MARK1: variants seen among roughly 807,000 people sequenced by gnomAD.
MARK1 encodes microtubule affinity regulating kinase 1, also known as serine/threonine-protein kinase MARK1.
A neutral mutation model predicts 96.3 loss-of-function variants in MARK1; 40 were observed. The observed-to-expected ratio is 0.42, with a 90% CI of 0.32 to 0.54. The LOEUF is 0.54. Ranked by LOEUF, MARK1 falls within the 20% of genes least tolerant of loss-of-function variation. MARK1 has a pLI of 0.16. For missense variants in MARK1, 719 were observed against 984.6 expected, an observed-to-expected ratio of 0.73 and a Z score of 3.61; for synonymous variants, 317 against 341.2, an observed-to-expected ratio of 0.93 and a Z score of 0.78.
At chr1:220,626,712 T>C in intron 9 of MARK1, 2 of 335,544 alleles carry the variant, frequency 6.0e-6, no homozygotes, top group South Asian at 2.7e-5. Context: ...ATCCCAGCTA[T>C]TCGGGAGGCT....
At chr1:220,582,866 C>T (rs552232617) in intron 3 of MARK1, among the ~76,000 whole-genome samples, 8 of 152,134 alleles carry the variant, frequency 5.3e-5, no homozygotes, top group Non-Finnish European at 8.8e-5. Flanking sequence ...TTCTTTAACC[C>T]GTGAAAATAA....
At chr1:220,577,739 G>GA (rs1298165216) in intron 1 of MARK1, among the ~76,000 whole-genome samples, 2 of 152,188 alleles carry the variant, frequency 1.3e-5, no homozygotes, top group East Asian at 1.9e-4. Flanking sequence ...ACATAAAGAT[G>GA]AAAAGAAAAC....
intron 1 of MARK1, among the ~76,000 whole-genome samples, chr1:220,534,764 G>A (rs1332997508): frequency 6.6e-6 from 1 of 151,946 alleles, no homozygotes; most frequent in African/African-American, 2.4e-5. Flanking sequence ...CACAAAAATG[G>A]GATCATGTAA....
intron 6 of MARK1, among the ~76,000 whole-genome samples, chr1:220,615,624 C>A (rs1236188097): frequency 2.6e-5 from 4 of 151,836 alleles, no homozygotes; most frequent in Non-Finnish European, 5.9e-5. Flanking sequence ...ACCATTTGGC[C>A]AAAACTATAA....
chr1:220,595,735 G>A (rs189016323), intron 3 of MARK1, among the ~76,000 whole-genome samples: 2 of 152,270 alleles, frequency 1.3e-5, no homozygotes, highest in Admixed American at 1.3e-4. Flanking sequence ...AAGATGTGTG[G>A]ATAACAGGTT....
intron 11 of MARK1, among the ~76,000 whole-genome samples, chr1:220,634,317 A>G (rs1440988622): frequency 6.6e-6 from 1 of 152,230 alleles, no homozygotes; most frequent in Non-Finnish European, 1.5e-5. Context: ...TGTATCAAAT[A>G]TAAACGAATG....
intron 5 of MARK1, among the ~76,000 whole-genome samples, chr1:220,600,345 A>G (rs184085060): frequency 1.3e-5 from 2 of 152,334 alleles, no homozygotes; most frequent in Admixed American, 1.3e-4. Context: ...TTTCAATTTA[A>G]ACAAGTATTG....
intron 11 of MARK1, among the ~76,000 whole-genome samples, chr1:220,634,772 C>T (rs56269108): frequency 0.063 from 9,517 of 152,176 alleles, 918 homozygotes; most frequent in African/African-American, 0.21. Flanking sequence ...GTGTGTCAAC[C>T]TGCAGTTTAC....
intron 13 of MARK1, among the ~76,000 whole-genome samples, chr1:220,646,334 T>TAGGA: frequency 6.6e-6 from 1 of 152,118 alleles, no homozygotes; most frequent in South Asian, 2.1e-4. Context: ...ATAAAATACC[T>TAGGA]AGGAATACAG....
In MARK1 at chr1:220,599,024, T is replaced by TA. The variant is rs113224517; in HGVS notation, c.358+655dup. Among the ~76,000 whole-genome samples, 42 of 147,986 alleles carry TA rather than the reference T, an allele frequency of 2.8e-4. 1 individual carries two copies. Among genetic ancestry groups the TA allele is most frequent in the Middle Eastern group, 3.5e-3 (1 of 284 alleles). On this transcript the variant is annotated intron_variant, in intron 4 of 17. Coordinates refer to ENST00000366917, the MANE Select transcript of MARK1 (RefSeq NM_018650.5). ...ATATTGCAGGTCATTTAGGTATCTA[T>TA]AAAAAAAAAATGGCTTTCAGATATT...
In MARK1 at chr1:220,652,118, C is replaced by T; in HGVS notation, c.1704C>T (p.Thr568=). The change falls in exon 15 of 18, where the codon ACC becomes ACT. Residue 568 remains threonine (T), a synonymous_variant. Transcript: ENST00000366917. ...SGHPIKVTLP[T]IKDGSEAYRP... Reference sequence around the variant, plus strand: ...ATCCTATTAAAGTCACACTGCCAACCATTAAAGACGGCTCTGAAGCTTACC... The same window carrying T: ...ATCCTATTAAAGTCACACTGCCAACTATTAAAGACGGCTCTGAAGCTTACC... 1 of 1,612,362 alleles carries T rather than the reference C, an allele frequency of 6.2e-7. No homozygotes were observed. The highest frequency in any genetic ancestry group is 1.7e-4 in the Middle Eastern group (1 of 6,054).
chr1:220,620,808 CACTGGAAATATTATATT>C (rs996884015), intron 9 of MARK1, among the ~76,000 whole-genome samples: 16 of 152,166 alleles, frequency 1.1e-4, no homozygotes, highest in Admixed American at 2.6e-4. Flanking sequence ...CACGAGTCCC[CACTGGAAATATTATATT>C]ATAGATATTA....
At chr1:220,566,656 A>G (rs1171517117) in intron 1 of MARK1, among the ~76,000 whole-genome samples, 1 of 149,720 alleles carries the variant, frequency 6.7e-6, no homozygotes, top group Non-Finnish European at 1.5e-5. Flanking sequence ...TAAACAAATT[A>G]TGAAATTGAA....
intron 1 of MARK1, among the ~76,000 whole-genome samples, chr1:220,545,041 G>A (rs1661383531): frequency 1.3e-5 from 2 of 152,208 alleles, no homozygotes; most frequent in South Asian, 4.1e-4. Flanking sequence ...AGAACACAGA[G>A]TAAAGAAGGA....
chr1:220,584,632 T>A (rs1664468519), intron 3 of MARK1, among the ~76,000 whole-genome samples: 1 of 152,220 alleles, frequency 6.6e-6, no homozygotes, highest in African/African-American at 2.4e-5. Context: ...CCAGATTATC[T>A]GCAAAATAAT....
chr1:220,657,914 G>T, intron 17 of MARK1, 80 bp downstream of exon 17: 3 of 1,037,510 alleles, frequency 2.9e-6, no homozygotes, highest in South Asian at 4.8e-5. Flanking sequence ...AGCACTTAAT[G>T]ATCATGAATA....
chr1:220,538,208 T>C (rs930812398), intron 1 of MARK1, among the ~76,000 whole-genome samples: 2 of 151,930 alleles, frequency 1.3e-5, no homozygotes, highest in African/African-American at 4.8e-5. Context: ...TTTATGGTTT[T>C]AGGTCTAACG....
At chr1:220,540,988 C>T (rs1661104862) in intron 1 of MARK1, among the ~76,000 whole-genome samples, 1 of 151,714 alleles carries the variant, frequency 6.6e-6, no homozygotes, top group South Asian at 2.1e-4. Flanking sequence ...GGCTGGAGAG[C>T]TGTGGTGCAA....
At position 220,620,349 on chromosome 1, in the gene MARK1, G is replaced by T. The variant is rs576778843; in HGVS notation, c.909+1594G>T. Among the ~76,000 whole-genome samples the T allele has an allele frequency of 2.6e-5, 4 of 152,130 alleles. No homozygotes were observed. In the East Asian group the frequency reaches 7.7e-4, roughly 29 times the overall value. Reference sequence around the variant, plus strand: ...AAATATTTAAAAAGCTAAAATTTTTGACTCTCATATCAGTTCTAAAATAAT... The same window carrying T: ...AAATATTTAAAAAGCTAAAATTTTTTACTCTCATATCAGTTCTAAAATAAT... On this transcript the variant is annotated intron_variant, in intron 9 of 17. Transcript: ENST00000366917.
Sources: gnomAD v4.1 joint callset for allele counts (sites outside exome capture counted in the v4.1 genomes callset) on GRCh38, gnomAD v4.1.1 for gene constraint, MANE v1.5 for transcripts, NCBI Gene and HGNC (gene_info 2026-07-23, HGNC 2026-07-21) for gene names.